Variants in ABCG8 observed in about 807,000 individuals in gnomAD.
ABCG8 encodes the protein ATP-binding cassette sub-family G member 8.
Under a neutral mutation model 71.3 loss-of-function variants are expected in ABCG8, and 81 were observed. The observed-to-expected ratio is 1.14, with a 90% CI of 0.95 to 1.37. The LOEUF (loss-of-function observed/expected upper bound fraction) is 1.37. Among genes scored for constraint, ABCG8 ranks in the 40% most tolerant of loss-of-function variants. The probability of loss-of-function intolerance (pLI) is 0.00; values close to 1 mark genes in which losing one functional copy is unlikely to be tolerated. For synonymous variants in ABCG8, 451 were observed against 354.7 expected, an observed-to-expected ratio of 1.27 and a Z score of -3.05; for missense variants, 1,119 against 866.2, an observed-to-expected ratio of 1.29 and a Z score of -3.66.
At chr2:43,846,990 G>GCA (rs368330289) in intron 3 of ABCG8, 31,923 of 110,554 alleles carry the variant, frequency 0.29, 4,049 homozygotes, top group East Asian at 0.5. Flanking sequence ...ACGCGCGCGT[G>GCA]CACACACACA....
intron 3 of ABCG8, among the ~76,000 whole-genome samples, chr2:43,848,968 G>C (rs1165372242): frequency 1.4e-5 from 2 of 146,578 alleles, no homozygotes; most frequent in African/African-American, 2.6e-5. Flanking sequence ...GTTGCAGTGA[G>C]CTGAGATTGC....
chr2:43,877,415 C>A, intron 11 of ABCG8, 146 bp from the exon 12 acceptor site: 3 of 1,291,080 alleles, frequency 2.3e-6, no homozygotes, highest in Non-Finnish European at 3.3e-6. Context: ...ATATGGGAGA[C>A]TGTGGGAATA....
chr2:43,854,072 C>A (rs941155754), intron 6 of ABCG8, among the ~76,000 whole-genome samples: 1 of 152,228 alleles, frequency 6.6e-6, no homozygotes, highest in Admixed American at 6.5e-5. Flanking sequence ...TTTAAAGTAA[C>A]CCCAGAGAGG....
intron 1 of ABCG8, among the ~76,000 whole-genome samples, chr2:43,841,537 A>G (rs554631207): frequency 6.6e-6 from 1 of 152,324 alleles, no homozygotes; most frequent in East Asian, 1.9e-4. Flanking sequence ...GGTCGTCCCC[A>G]ACCCAGGCAC....
chr2:43,846,254 C>G lies in ABCG8; in HGVS notation c.265C>G (p.Gln89Glu), dbSNP rs141696243. ...SCQNSCELGI[Q>E]NLSFKVRSGQ... ...CCAGAATTCTTGTGAGCTGGGCATC[C>G]AGAACCTAAGCTTCAAAGTGAGAAG... Residue 89 changes from glutamine (Q) to glutamate (E), a missense_variant, in exon 3 of 13, where the codon CAG becomes GAG. Transcript: ENST00000272286. 6 of 1,614,082 alleles carry G rather than the reference C, an allele frequency of 3.7e-6. No homozygotes were observed. Among genetic ancestry groups the G allele is most frequent in the Admixed American group, 1.7e-5 (1 of 60,010 alleles).
chr2:43,875,226 A>T lies in ABCG8; in HGVS notation c.1569A>T (p.Pro523=). Residue 523 remains proline, a synonymous_variant, in exon 11 of 13, where the codon CCA becomes CCT. Coordinates refer to ENST00000272286, the MANE Select transcript of ABCG8 (RefSeq NM_022437.3). ...MPTYWLANLR[P]GLQPFLLHFL... ...CCTACTGGCTGGCCAACCTGAGGCC[A>T]GGCCTCCAGCCCTTCCTGCTGCACT... 6.2e-7 allele frequency: 1 copy of T among 1,614,220 alleles called. No individual in the cohort carries two copies. The highest frequency in any genetic ancestry group is 8.5e-7 in the Non-Finnish European group (1 of 1,180,044).
At chr2:43,861,179 C>A (rs148955519) in intron 6 of ABCG8, among the ~76,000 whole-genome samples, 2,117 of 151,034 alleles carry the variant, frequency 0.014, 45 homozygotes, top group African/African-American at 0.049. Flanking sequence ...GAATTCTCAC[C>A]ATCTAGATAG....
At chr2:43,856,234 A>G (rs1441999004) in intron 6 of ABCG8, among the ~76,000 whole-genome samples, 3 of 151,970 alleles carry the variant, frequency 2.0e-5, no homozygotes, top group Admixed American at 6.6e-5. Flanking sequence ...ATCTGTCTGG[A>G]TAGAATTCTC....
At chr2:43,875,434 C>G in intron 11 of ABCG8, 21 bp downstream of exon 11, 1 of 1,608,778 alleles carries the variant, frequency 6.2e-7, no homozygotes, top group Non-Finnish European at 8.5e-7. Context: ...CCCCCGGGGC[C>G]TGGGCCAGCT....
chr2:43,875,521 G>C (rs779518325), intron 11 of ABCG8, 108 bp downstream of exon 11: 4 of 1,412,980 alleles, frequency 2.8e-6, no homozygotes, highest in South Asian at 1.4e-5. Flanking sequence ...CCAACTCGAG[G>C]CTGGCCCTTC....
intron 5 of ABCG8, 31 bp from the exon 6 acceptor site, chr2:43,852,568 G>T (rs772017110): frequency 1.2e-6 from 2 of 1,613,930 alleles, no homozygotes; most frequent in Non-Finnish European, 1.7e-6. Flanking sequence ...GAGCCCCACC[G>T]ACTCACCAGG....
At chr2:43,853,095 T>C (rs949566149) in intron 6 of ABCG8, among the ~76,000 whole-genome samples, 5 of 152,126 alleles carry the variant, frequency 3.3e-5, no homozygotes, top group Non-Finnish European at 5.9e-5. Flanking sequence ...CTGTGCATGA[T>C]AGATTAGAAA....
At chr2:43,853,624 C>T (rs371301862) in intron 6 of ABCG8, among the ~76,000 whole-genome samples, 1 of 152,118 alleles carries the variant, frequency 6.6e-6, no homozygotes, top group Non-Finnish European at 1.5e-5. Context: ...AGGACAACAG[C>T]GATCATCTCC....
intron 6 of ABCG8, among the ~76,000 whole-genome samples, chr2:43,862,082 C>G (rs1422765071): frequency 6.6e-6 from 1 of 150,936 alleles, no homozygotes; most frequent in Non-Finnish European, 1.5e-5. Flanking sequence ...AATTCTTACT[C>G]TCTTGGTAAA....
intron 6 of ABCG8, among the ~76,000 whole-genome samples, chr2:43,864,557 A>G (rs1406323056): frequency 1.3e-5 from 2 of 151,504 alleles, no homozygotes; most frequent in Middle Eastern, 7.0e-3. Context: ...TCTGTATAGA[A>G]CTCTAACTAT....
At chr2:43,858,543 T>A (rs1047923550) in intron 6 of ABCG8, among the ~76,000 whole-genome samples, 8 of 151,674 alleles carry the variant, frequency 5.3e-5, no homozygotes, top group African/African-American at 1.9e-4. Flanking sequence ...ACCATCTGGA[T>A]AGAACTCTAT....
chr2:43,865,195 ACTAT>A (rs1477037282), intron 6 of ABCG8, among the ~76,000 whole-genome samples: 2 of 144,686 alleles, frequency 1.4e-5, no homozygotes, highest in South Asian at 2.3e-4. Context: ...TAGAGCTCTC[ACTAT>A]CTAGATAGAA....
chr2:43,877,703 C>T lies in ABCG8; in HGVS notation c.1884+15C>T. 6.2e-7 allele frequency: 1 copy of T among 1,614,086 alleles called. No individual in the cohort carries two copies. The highest frequency in any genetic ancestry group is 8.5e-7 in the Non-Finnish European group (1 of 1,179,994). ...CAGGAGATAAAGTAAGCGGGGAAGGCCTCGGGTTCTAAATTATTGGACGTC... is the reference window on the plus strand; with the variant it reads ...CAGGAGATAAAGTAAGCGGGGAAGGTCTCGGGTTCTAAATTATTGGACGTC... On this transcript the variant is annotated intron_variant, in intron 12 of 12. Transcript: ENST00000272286.
rs904051975 is a variant in ABCG8 at position 43,878,973 on chromosome 2, C to G, written c.*1060C>G. ...GGCTCTCATTCTCTCTCCCGCTACC[C>G]TGTGAAGAGGAGCCTTCCACCACGA... On this transcript the variant is annotated 3_prime_UTR_variant, in exon 13 of 13. Coordinates refer to ENST00000272286, the MANE Select transcript of ABCG8 (RefSeq NM_022437.3). 1 of 152,276 alleles carries G rather than the reference C, an allele frequency of 6.6e-6. No individual in the cohort carries two copies. The highest frequency in any genetic ancestry group is 1.5e-5 in the Non-Finnish European group (1 of 68,078). 9.4% of individuals were successfully genotyped at this position (152,276 alleles called of 1,614,324 possible). A position where few individuals can be genotyped will look rare whatever the true frequency, so the allele number is the denominator to read the frequency against.
Sources: gnomAD v4.1 joint callset for allele counts (sites outside exome capture counted in the v4.1 genomes callset) on GRCh38, gnomAD v4.1.1 for gene constraint, MANE v1.5 for transcripts, NCBI Gene and HGNC (gene_info 2026-07-23, HGNC 2026-07-21) for gene names.